The following KIF26B variants were observed in gnomAD, a reference collection of about 807,000 sequenced individuals.
KIF26B encodes the protein kinesin family member 26B, also known as kinesin-like protein KIF26B.
In KIF26B, 63 loss-of-function variants were observed where a neutral mutation model predicts 151.2. That is an observed-to-expected ratio of 0.42 (90% CI 0.34 to 0.51). The LOEUF (loss-of-function observed/expected upper bound fraction) is 0.51, where lower values mean the gene tolerates loss of function less well. Ranked by LOEUF, KIF26B falls within the 20% of genes least tolerant of loss-of-function variation. The pLI is 0.07. For missense variants in KIF26B, 2,813 were observed against 2,913.6 expected, an observed-to-expected ratio of 0.97 and a Z score of 0.79; for synonymous variants, 1,357 against 1,262.1, an observed-to-expected ratio of 1.08 and a Z score of -1.59.
chr1:245,653,140 GC>G (rs2044037727), intron 10 of KIF26B, among the ~76,000 whole-genome samples: 2 of 152,302 alleles, frequency 1.3e-5, no homozygotes, highest in South Asian at 2.1e-4. Flanking sequence ...GAATGGTGTG[GC>G]CTGCAGGGGA....
chr1:245,347,083 A>T (rs1327329012), intron 2 of KIF26B, among the ~76,000 whole-genome samples: 1 of 152,136 alleles, frequency 6.6e-6, no homozygotes, highest in East Asian at 1.9e-4. Context: ...GCCTGGGTGG[A>T]ACAGAACACA....
chr1:245,438,880 GT>G (rs1658995770), intron 4 of KIF26B, among the ~76,000 whole-genome samples: 1 of 152,168 alleles, frequency 6.6e-6, no homozygotes, highest in African/African-American at 2.4e-5. Flanking sequence ...CATATCAGTG[GT>G]TGATGGGAAG....
At chr1:245,181,465 T>C (rs751140797) in intron 2 of KIF26B, among the ~76,000 whole-genome samples, 1 of 151,600 alleles carries the variant, frequency 6.6e-6, no homozygotes, top group Non-Finnish European at 1.5e-5. Context: ...TTTTCAAGAT[T>C]GTATCACATT....
Position 245,545,746 on chromosome 1 carries a change from G to A in KIF26B, c.1350+4796G>A, listed in dbSNP as rs115107476. 8.8e-3 allele frequency among the ~76,000 whole-genome samples: 1,342 copies of A among 152,286 alleles called. 15 individuals carry two copies. The highest frequency in any genetic ancestry group is 0.031 in the African/African-American group (1,283 of 41,542). ...TCCCCATTCATATTTCACTGATTTG[G>A]CTTATATGTAAATGATGATTCTAAT... is the stretch of plus-strand genomic sequence containing the variant. On this transcript the variant is annotated intron_variant, in intron 5 of 14. Coordinates refer to ENST00000407071, the MANE Select transcript of KIF26B (RefSeq NM_018012.4).
At chr1:245,295,457 C>T (rs759657999) in intron 2 of KIF26B, among the ~76,000 whole-genome samples, 2 of 152,116 alleles carry the variant, frequency 1.3e-5, no homozygotes, top group African/African-American at 2.4e-5. Context: ...CCCATGGGTC[C>T]GTATCATGGG....
intron 2 of KIF26B, among the ~76,000 whole-genome samples, chr1:245,254,433 G>A (rs564312399): frequency 3.9e-5 from 6 of 152,266 alleles, no homozygotes; most frequent in South Asian, 4.1e-4. Context: ...ATTAACAAAG[G>A]GGGTTGGGGG....
chr1:245,687,732 C>T lies in KIF26B; in HGVS notation c.4749C>T (p.Ser1583=). The T allele has an allele frequency of 6.3e-7, 1 of 1,578,200 alleles. No individual in the cohort carries two copies. The highest frequency in any genetic ancestry group is 8.6e-7 in the Non-Finnish European group (1 of 1,162,430). Residue 1583 remains serine, a synonymous_variant, in exon 12 of 15, where the codon TCC becomes TCT. Transcript: ENST00000407071. This position sits in a 1 kb window ranked among gnomAD's most constrained non-coding sequence, Gnocchi z 4.9. ...CTACCCTGGAGGGGAAGGTGGCTTC[C>T]CCCAAGCACTGTGTTCTGGCTCGGC... ...SKATLEGKVA[S]PKHCVLARPK...
chr1:245,193,944 C>T (rs749221628), intron 2 of KIF26B, among the ~76,000 whole-genome samples: 6 of 152,162 alleles, frequency 3.9e-5, no homozygotes, highest in African/African-American at 9.7e-5. Context: ...GACCATGGGG[C>T]GCTAGAAAAT....
chr1:245,702,536 GCC>G lies in KIF26B; in HGVS notation c.6258_6259del (p.Ser2086ArgfsTer56). On this transcript the variant is annotated frameshift_variant, in exon 15 of 15. Transcript: ENST00000407071. LOFTEE classifies it high-confidence loss of function. The surrounding 1 kb of genome is among the most constrained non-coding windows in gnomAD (Gnocchi z 4.1). Reference sequence around the variant, plus strand: ...GAGTGTGTGACGGAGCGCCTGGAGAGCCGTGTCAACTTCTGCAAGGCCCATCT... The same window carrying G: ...GAGTGTGTGACGGAGCGCCTGGAGAGGTGTCAACTTCTGCAAGGCCCATCT... The G allele has an allele frequency of 6.2e-7, 1 of 1,613,992 alleles. No individual in the cohort carries two copies. The highest frequency in any genetic ancestry group is 1.1e-5 in the South Asian group (1 of 91,074).
At position 245,601,255 on chromosome 1, in the gene KIF26B, G is replaced by A. The variant is rs1241362735; in HGVS notation, c.1351-1322G>A. Among the ~76,000 whole-genome samples, 1 of 152,166 alleles carries A rather than the reference G, an allele frequency of 6.6e-6. No homozygotes were observed. Among genetic ancestry groups the A allele is most frequent in the Non-Finnish European group, 1.5e-5 (1 of 68,036 alleles). ...TAGAAGGCAAGCACAGCGGGGACAC[G>A]GTGCAGGACACCTGCGGACCCAGTG... is the stretch of plus-strand genomic sequence containing the variant. On this transcript the variant is annotated intron_variant, in intron 5 of 14. Coordinates refer to ENST00000407071, the MANE Select transcript of KIF26B (RefSeq NM_018012.4). This position sits in a 1 kb window ranked among gnomAD's most constrained non-coding sequence, Gnocchi z 4.4.
At chr1:245,373,572 A>G (rs1035008232) in intron 3 of KIF26B, among the ~76,000 whole-genome samples, 1 of 152,202 alleles carries the variant, frequency 6.6e-6, no homozygotes, top group African/African-American at 2.4e-5. Flanking sequence ...AAGGTCGTCC[A>G]TGTGCATTCC....
At chr1:245,193,496 G>A (rs747229561) in intron 2 of KIF26B, among the ~76,000 whole-genome samples, 9 of 150,878 alleles carry the variant, frequency 6.0e-5, no homozygotes, top group Non-Finnish European at 1.2e-4. Flanking sequence ...GGAAAGCTTA[G>A]GCTTTCCTTT....
At chr1:245,180,179 G>A (rs527525172) in intron 2 of KIF26B, among the ~76,000 whole-genome samples, 7 of 152,316 alleles carry the variant, frequency 4.6e-5, no homozygotes, top group African/African-American at 9.6e-5. Context: ...TGGAACTTTC[G>A]TCTTCCTATG....
intron 2 of KIF26B, among the ~76,000 whole-genome samples, chr1:245,234,956 GC>G (rs1314670954): frequency 3.9e-5 from 6 of 152,108 alleles, no homozygotes; most frequent in Non-Finnish European, 5.9e-5. Flanking sequence ...CTGGCCTCCT[GC>G]CCCTGTGTCT....
At chr1:245,169,360 T>TGTGTGC (rs1230032870) in intron 2 of KIF26B, among the ~76,000 whole-genome samples, 2 of 151,844 alleles carry the variant, frequency 1.3e-5, no homozygotes, top group Admixed American at 6.6e-5. Flanking sequence ...TGTGTGTGTG[T>TGTGTGC]GTGCGCGCAA....
intron 4 of KIF26B, among the ~76,000 whole-genome samples, chr1:245,518,159 C>T (rs766868132): frequency 1.3e-5 from 2 of 152,090 alleles, no homozygotes; most frequent in African/African-American, 2.4e-5. Flanking sequence ...CGTGAGCCAC[C>T]GCACCCAGCA....
chr1:245,292,982 A>G (rs1371591257), intron 2 of KIF26B, among the ~76,000 whole-genome samples: 3 of 152,152 alleles, frequency 2.0e-5, no homozygotes, highest in African/African-American at 4.8e-5. Context: ...CTGCTTATCA[A>G]TCATGTTCAA....
chr1:245,400,715 T>C (rs796231598), intron 3 of KIF26B, among the ~76,000 whole-genome samples: 10 of 152,314 alleles, frequency 6.6e-5, no homozygotes, highest in African/African-American at 2.4e-4. Context: ...ATTGATTACA[T>C]GTTGAAATGA....
At chr1:245,689,952 G>A (rs2044601985) in intron 12 of KIF26B, among the ~76,000 whole-genome samples, 1 of 152,084 alleles carries the variant, frequency 6.6e-6, no homozygotes, top group Non-Finnish European at 1.5e-5. Flanking sequence ...GGAGTCTTGG[G>A]TGGCACATGA....
Sources: allele counts gnomAD v4.1 joint callset (sites outside exome capture counted in the v4.1 genomes callset), GRCh38; gene constraint gnomAD v4.1.1; non-coding constraint Gnocchi (gnomAD v3.1); transcripts MANE v1.5; gene names NCBI Gene and HGNC (gene_info 2026-07-23, HGNC 2026-07-21).